Variants in RELN observed in about 807,000 individuals in gnomAD.
RELN encodes the protein reelin.
RELN carries 108 observed loss-of-function variants against 427.6 expected under a neutral mutation model. That is an observed-to-expected ratio of 0.25 (90% CI 0.22 to 0.30). The LOEUF (loss-of-function observed/expected upper bound fraction) is 0.30. Ranked by LOEUF, RELN falls within the 10% of genes least tolerant of loss-of-function variation. The pLI, the probability that RELN is intolerant of heterozygous loss-of-function variation, is 1.00. For synonymous variants in RELN, 1,524 were observed against 1,513.4 expected (o/e 1.01, Z -0.16); for missense variants, 3,715 against 4,302.8 (o/e 0.86, Z 3.82).
chr7:103,778,441 T>C (rs1426880536), intron 3 of RELN, among the ~76,000 whole-genome samples: 1 of 152,238 alleles, frequency 6.6e-6, no homozygotes, highest in Non-Finnish European at 1.5e-5. Flanking sequence ...TGTTGTCTTC[T>C]GGTTCTAAGT....
intron 3 of RELN, among the ~76,000 whole-genome samples, chr7:103,786,494 AAG>A: frequency 6.8e-6 from 1 of 146,548 alleles, no homozygotes; most frequent in South Asian, 2.2e-4. Flanking sequence ...GGGATGGAGA[AAG>A]ATTTACCAAG....
chr7:103,723,768 C>G (rs1584436935), intron 7 of RELN, among the ~76,000 whole-genome samples: 2 of 152,112 alleles, frequency 1.3e-5, no homozygotes, highest in Non-Finnish European at 2.9e-5. Flanking sequence ...AAGCCTTGAA[C>G]TGTACACTTT....
Position 103,491,956 on chromosome 7 carries a change from G to T in RELN, c.9440C>A (p.Ala3147Glu). Residue 3147 changes from alanine (A) to glutamate (E), a missense_variant, in exon 58 of 65, where the codon GCA (alanine) becomes GAA (glutamate). Physicochemically the swap from Ala to Glu is moderately radical, Grantham distance 107. This residue lies in a region of RELN where 1,310 missense variants were observed against 1,643.0 expected (regional missense o/e 0.80). Transcript: ENST00000428762. The stretch of plus-strand genomic sequence containing the variant: ...TGTTAAAAATTATTTCACAAACCTT[G>T]CATCCTTAGTGTATTCCAGCATTAC... ...HSVMLEYTKD[A>E]RSDSWQLVQT... is the part of the protein sequence containing the mutation. 6.2e-7 allele frequency: 1 copy of T among 1,603,892 alleles called. No homozygotes were observed.
chr7:103,648,953 C>T (rs151044282), intron 16 of RELN, among the ~76,000 whole-genome samples: 3 of 151,786 alleles, frequency 2.0e-5, no homozygotes, highest in East Asian at 1.9e-4. Flanking sequence ...CTGGTGAGGA[C>T]GTGGGGGAAA....
In RELN at chr7:103,838,133, T is replaced by C. The variant is rs376909468; in HGVS notation, c.338-4461A>G. Reference sequence around the variant, plus strand: ...CTGAAGCAGGAGAATGGCGTGAACCTGGGAGGCGGAGCTTGCAGTGAGCCG... The same window carrying C: ...CTGAAGCAGGAGAATGGCGTGAACCCGGGAGGCGGAGCTTGCAGTGAGCCG... On this transcript the variant is annotated intron_variant, in intron 2 of 64. Coordinates refer to ENST00000428762, the MANE Select transcript of RELN (RefSeq NM_005045.4). 9.4e-3 allele frequency among the ~76,000 whole-genome samples: 1,258 copies of C among 133,482 alleles called. 15 individuals carry two copies. The highest frequency in any genetic ancestry group is 0.034 in the African/African-American group (1,167 of 34,768). 87.6% of individuals were successfully genotyped at this position (133,482 alleles called of 152,430 possible). A position where few individuals can be genotyped will look rare whatever the true frequency, so the allele number is the denominator to read the frequency against.
chr7:103,774,642 T>C (rs977666036), intron 4 of RELN, among the ~76,000 whole-genome samples: 5 of 152,210 alleles, frequency 3.3e-5, no homozygotes, highest in Non-Finnish European at 7.3e-5. Context: ...TAAAATGTTA[T>C]TTTATTTGAG....
intron 4 of RELN, among the ~76,000 whole-genome samples, chr7:103,755,805 T>A (rs1453422673): frequency 1.2e-5 from 1 of 85,648 alleles, no homozygotes; most frequent in African/African-American, 5.5e-5. Context: ...AGAGTGAGAC[T>A]CCACCTCAAG....
intron 3 of RELN, among the ~76,000 whole-genome samples, chr7:103,784,719 T>G (rs963294034): frequency 6.6e-6 from 1 of 152,174 alleles, no homozygotes; most frequent in Non-Finnish European, 1.5e-5. Context: ...CTGCTTTAGG[T>G]GCTCACATTT....
At chr7:103,693,630 G>T (rs1030787316) in intron 10 of RELN, among the ~76,000 whole-genome samples, 1 of 152,014 alleles carries the variant, frequency 6.6e-6, no homozygotes, top group Non-Finnish European at 1.5e-5. Flanking sequence ...ATTGGAAAGG[G>T]CCTTGAATTA....
At chr7:103,864,008 G>A (rs1401683316) in intron 2 of RELN, among the ~76,000 whole-genome samples, 1 of 151,960 alleles carries the variant, frequency 6.6e-6, no homozygotes, top group Non-Finnish European at 1.5e-5. Context: ...CACACTACTG[G>A]AGCCATGTGA....
rs1422343122 is a variant in RELN, at chr7:103,486,325, G to A, written c.9855C>T (p.Thr3285=). The change falls in exon 61 of 65, where the codon ACC becomes ACT. Residue 3285 remains threonine (T), a synonymous_variant. Transcript: ENST00000428762. ...SARVTEANWE[T]IQGGVIGSGC... ...CACTTCCTATGACTCCACCTTGAAT[G>A]GTCTCCCAGTTTGCCTCGGTGACTC... 5.6e-6 allele frequency: 9 copies of A among 1,614,126 alleles called. No homozygotes were observed. Among genetic ancestry groups the A allele is most frequent in the Non-Finnish European group, 7.6e-6 (9 of 1,180,010 alleles).
chr7:103,590,561 A>ACAATCAATCAAT (rs1170230280), intron 27 of RELN, among the ~76,000 whole-genome samples: 133 of 78,020 alleles, frequency 1.7e-3, no homozygotes, highest in African/African-American at 7.2e-3. Flanking sequence ...CTCCATCTCA[A>ACAATCAATCAAT]CAATAAATAA....
chr7:103,503,257 G>A (rs2117039991), intron 51 of RELN, 27 bp from the exon 52 acceptor site: 2 of 1,597,564 alleles, frequency 1.3e-6, no homozygotes, highest in Non-Finnish European at 1.7e-6. Flanking sequence ...CAAGATCAAG[G>A]TATTAAAACT....
chr7:103,567,466 T>C (rs1398967535), intron 31 of RELN, among the ~76,000 whole-genome samples: 1 of 152,154 alleles, frequency 6.6e-6, no homozygotes, highest in Non-Finnish European at 1.5e-5. Flanking sequence ...TAAAAGAGGA[T>C]GCAGAGAAAG....
At chr7:103,654,255 A>G in intron 12 of RELN, 50 bp from the exon 13 acceptor site, 1 of 919,896 alleles carries the variant, frequency 1.1e-6, no homozygotes, top group Non-Finnish European at 1.8e-6. Flanking sequence ...GCATCCATAA[A>G]CATATCAAAT....
intron 46 of RELN, among the ~76,000 whole-genome samples, chr7:103,528,477 C>T (rs1235013058): frequency 9.2e-6 from 1 of 108,444 alleles, no homozygotes; most frequent in Non-Finnish European, 2.3e-5. Flanking sequence ...TTTCAACAAC[C>T]CTGTGGGTTT....
intron 54 of RELN, 37 bp from the exon 55 acceptor site, chr7:103,497,963 A>G: frequency 6.2e-7 from 1 of 1,605,490 alleles, no homozygotes; most frequent in South Asian, 1.1e-5. Flanking sequence ...AGAATAATTC[A>G]TTAGAACAAA....
In RELN at chr7:103,650,358, G is replaced by A. The variant is rs1832888794; in HGVS notation, c.1918C>T (p.Pro640Ser). 4 of 1,612,288 alleles carry A rather than the reference G, an allele frequency of 2.5e-6. No individual in the cohort carries two copies. Among genetic ancestry groups the A allele is most frequent in the Non-Finnish European group, 3.4e-6 (4 of 1,178,818 alleles). ...GTGTTCCGGGTTAGTGCTGCGTTAG[G>A]AAGGGGAATTGTTATTCGGTTCCAC... ...SGWNRITIPL[P>S]NAALTRNTRI... Residue 640 changes from proline (P) to serine (S), a missense_variant, in exon 16 of 65, where the codon CCT becomes TCT. Pro to Ser is a moderately conservative substitution (Grantham distance 74). Around this residue, in one of 4 missense-constraint regions of RELN, gnomAD observed 2,208 missense variants for 2,361.7 expected, o/e 0.93. Coordinates refer to ENST00000428762, the MANE Select transcript of RELN (RefSeq NM_005045.4).
chr7:103,987,085 A>AAAAAAC (rs1554453141), intron 1 of RELN, among the ~76,000 whole-genome samples: 8 of 151,794 alleles, frequency 5.3e-5, no homozygotes, highest in Admixed American at 4.0e-4. Context: ...AAAAAAAAAA[A>AAAAAAC]AAAAAACTCT....
Sources: allele counts gnomAD v4.1 joint callset (sites outside exome capture counted in the v4.1 genomes callset), GRCh38; gene constraint gnomAD v4.1.1; regional missense constraint gnomAD v4.1.1; transcripts MANE v1.5; gene names NCBI Gene and HGNC (gene_info 2026-07-23, HGNC 2026-07-21).